Variants in ITGA8 observed in about 807,000 individuals in gnomAD.
The protein encoded by ITGA8 is integrin alpha-8.
ITGA8 carries 91 observed loss-of-function variants against 142.3 expected under a neutral mutation model. The ratio of observed to expected loss-of-function variants is 0.64; its 90% CI spans 0.54 to 0.76. ITGA8 has a LOEUF of 0.76. Among genes scored for constraint, ITGA8 ranks in the 30% least tolerant of loss-of-function variants. ITGA8 has a pLI of 0.00. For synonymous variants in ITGA8, 505 were observed against 485.2 expected, an observed-to-expected ratio of 1.04 and a Z score of -0.54; for missense variants, 1,406 against 1,327.7, an observed-to-expected ratio of 1.06 and a Z score of -0.92.
chr10:15,608,559 A>G (rs1833240124), intron 15 of ITGA8, among the ~76,000 whole-genome samples: 1 of 152,154 alleles, frequency 6.6e-6, no homozygotes, highest in Non-Finnish European at 1.5e-5. Context: ...TCAATTAGTC[A>G]ATTACTTGTT....
At chr10:15,655,453 T>G in intron 10 of ITGA8, 47 bp from the exon 11 acceptor site, 1 of 1,278,466 alleles carries the variant, frequency 7.8e-7, no homozygotes, top group Non-Finnish European at 1.1e-6. Flanking sequence ...AAAAAGTCAT[T>G]TTTGTAGTCA....
At chr10:15,626,090 G>A (rs1833576522) in intron 13 of ITGA8, among the ~76,000 whole-genome samples, 1 of 152,200 alleles carries the variant, frequency 6.6e-6, no homozygotes, top group African/African-American at 2.4e-5. Context: ...TTAGGGTGGG[G>A]CAGCCAGCTT....
chr10:15,712,345 G>T (rs1270669086), intron 2 of ITGA8, among the ~76,000 whole-genome samples: 1 of 152,170 alleles, frequency 6.6e-6, no homozygotes, highest in Non-Finnish European at 1.5e-5. Context: ...ACTTTGAGAG[G>T]CCAAGGCAGG....
At chr10:15,664,528 T>G (rs1188252218) in intron 8 of ITGA8, among the ~76,000 whole-genome samples, 1 of 151,056 alleles carries the variant, frequency 6.6e-6, no homozygotes, top group Non-Finnish European at 1.5e-5. Context: ...ATTTTATTAT[T>G]ATTATACTTT....
At chr10:15,524,214 G>A (rs917857875) in intron 28 of ITGA8, among the ~76,000 whole-genome samples, 2 of 152,008 alleles carry the variant, frequency 1.3e-5, no homozygotes, top group African/African-American at 4.8e-5. Flanking sequence ...CACCCTTGTT[G>A]TTTTCCTAAA....
At chr10:15,567,026 C>T (rs1346973550) in intron 25 of ITGA8, among the ~76,000 whole-genome samples, 15 of 150,636 alleles carry the variant, frequency 1.0e-4, no homozygotes, top group Admixed American at 5.3e-4. Context: ...GGTGTGGTGG[C>T]GGGTGCCAAT....
At chr10:15,556,543 T>A (rs2131565564) in intron 26 of ITGA8, among the ~76,000 whole-genome samples, 1 of 152,306 alleles carries the variant, frequency 6.6e-6, no homozygotes, top group South Asian at 2.1e-4. Context: ...TTTTCTTGCT[T>A]TATCCTTATT....
At chr10:15,547,046 A>G (rs1833686706) in intron 27 of ITGA8, among the ~76,000 whole-genome samples, 1 of 152,316 alleles carries the variant, frequency 6.6e-6, no homozygotes, top group South Asian at 2.1e-4. Flanking sequence ...ATTTATAACT[A>G]GACTCAAAGG....
At chr10:15,574,498 C>A (rs1466845647) in intron 24 of ITGA8, among the ~76,000 whole-genome samples, 1 of 152,124 alleles carries the variant, frequency 6.6e-6, no homozygotes, top group Middle Eastern at 3.2e-3. Flanking sequence ...TCAAGCGATT[C>A]TCCTCCCTCA....
At chr10:15,597,804 A>T (rs1351424595) in intron 20 of ITGA8, among the ~76,000 whole-genome samples, 1 of 152,228 alleles carries the variant, frequency 6.6e-6, no homozygotes, top group East Asian at 1.9e-4. Flanking sequence ...TCTGTTCTTC[A>T]GTATTTCAGA....
chr10:15,667,838 T>G (rs1241411095), intron 8 of ITGA8, among the ~76,000 whole-genome samples: 91 of 152,108 alleles, frequency 6.0e-4, no homozygotes, highest in Non-Finnish European at 1.1e-3. Context: ...TTTGAGTGAG[T>G]TTCTTAATCC....
intron 23 of ITGA8, among the ~76,000 whole-genome samples, chr10:15,581,306 C>A (rs1834402825): frequency 6.6e-6 from 1 of 152,218 alleles, no homozygotes; most frequent in Non-Finnish European, 1.5e-5. Flanking sequence ...GTAGGTGATA[C>A]TCCAAGCCTA....
chr10:15,592,037 T>C (rs1421067058), intron 22 of ITGA8, among the ~76,000 whole-genome samples, 188 bp downstream of exon 22: 2 of 152,118 alleles, frequency 1.3e-5, no homozygotes, highest in Non-Finnish European at 2.9e-5. Context: ...AATCTCTTTT[T>C]CAAAACCCCT....
In ITGA8 at chr10:15,677,651, A is replaced by G; in HGVS notation, c.631-14T>C. 1 of 1,607,894 alleles carries G rather than the reference A, an allele frequency of 6.2e-7. No individual in the cohort carries two copies. Among genetic ancestry groups the G allele is most frequent in the Non-Finnish European group, 8.5e-7 (1 of 1,176,936 alleles). On this transcript the variant is annotated splice_polypyrimidine_tract_variant and intron_variant, in intron 5 of 29. Transcript: ENST00000378076. ...AAGGTCTCCATTCTACAAAACAGAAACAGCAACAGCAACCATAATTGGAAA... is the reference window on the plus strand; with the variant it reads ...AAGGTCTCCATTCTACAAAACAGAAGCAGCAACAGCAACCATAATTGGAAA...
chr10:15,639,271 C>T (rs1481535221), intron 13 of ITGA8, among the ~76,000 whole-genome samples: 1 of 152,086 alleles, frequency 6.6e-6, no homozygotes, highest in African/African-American at 2.4e-5. Flanking sequence ...AAATGAAATG[C>T]TAGGGCTTAG....
intron 2 of ITGA8, among the ~76,000 whole-genome samples, chr10:15,700,218 G>A (rs958287142): frequency 6.6e-6 from 1 of 152,138 alleles, no homozygotes; most frequent in Non-Finnish European, 1.5e-5. Context: ...CACTTACTGA[G>A]CAATCCATTT....
intron 27 of ITGA8, among the ~76,000 whole-genome samples, chr10:15,539,370 C>G (rs567221165): frequency 6.6e-5 from 10 of 152,174 alleles, no homozygotes; most frequent in Admixed American, 1.3e-4. Flanking sequence ...TTATTCATCA[C>G]CATGACTCTT....
At chr10:15,557,506 C>T (rs1043679592) in intron 26 of ITGA8, among the ~76,000 whole-genome samples, 1 of 152,168 alleles carries the variant, frequency 6.6e-6, no homozygotes, top group Non-Finnish European at 1.5e-5. Flanking sequence ...GCCCAGGAAA[C>T]CTGAACACAG....
intron 27 of ITGA8, 49 bp from the exon 28 acceptor site, chr10:15,531,200 G>C (rs1245066427): frequency 4.1e-6 from 4 of 966,762 alleles, no homozygotes; most frequent in Non-Finnish European, 5.8e-6. Flanking sequence ...AAGTTTTTAA[G>C]AGTTATACTG....
Sources: gnomAD v4.1 joint callset for allele counts (sites outside exome capture counted in the v4.1 genomes callset) on GRCh38, gnomAD v4.1.1 for gene constraint, MANE v1.5 for transcripts, NCBI Gene and HGNC (gene_info 2026-07-23, HGNC 2026-07-21) for gene names.